The following C1QTNF7 variants were observed in gnomAD, a reference collection of about 807,000 sequenced individuals.
C1QTNF7 encodes C1q and TNF related 7.
Under a neutral mutation model 19.6 loss-of-function variants are expected in C1QTNF7, and 15 were observed. That is an observed-to-expected ratio of 0.76 (90% CI 0.51 to 1.18). The LOEUF is 1.18. C1QTNF7 is among the 50% of genes most tolerant of loss of function. The probability of loss-of-function intolerance (pLI) is 0.00; values close to 1 mark genes in which losing one functional copy is unlikely to be tolerated. For missense variants in C1QTNF7, 324 were observed against 359.7 expected (o/e 0.90, Z 0.80); for synonymous variants, 142 against 137.5 (o/e 1.03, Z -0.23).
At chr4:15,345,402 C>G (rs537607266) in intron 1 of C1QTNF7, among the ~76,000 whole-genome samples, 1 of 152,316 alleles carries the variant, frequency 6.6e-6, no homozygotes, top group East Asian at 1.9e-4. Context: ...TCTAGCCAGG[C>G]AGGGTGACGA....
intron 1 of C1QTNF7, among the ~76,000 whole-genome samples, chr4:15,410,871 C>T (rs1408642658): frequency 1.3e-5 from 2 of 152,190 alleles, no homozygotes; most frequent in Non-Finnish European, 2.9e-5. Context: ...AGAATTGCAA[C>T]AAGGTCAAAG....
At chr4:15,345,811 G>A (rs1241550279) in intron 1 of C1QTNF7, among the ~76,000 whole-genome samples, 1 of 152,164 alleles carries the variant, frequency 6.6e-6, no homozygotes, top group South Asian at 2.1e-4. Flanking sequence ...GTGTCTTTTT[G>A]TTAAGTGCCT....
intron 1 of C1QTNF7, among the ~76,000 whole-genome samples, chr4:15,343,203 C>A (rs1033251420): frequency 1.3e-5 from 2 of 152,352 alleles, no homozygotes; most frequent in South Asian, 4.1e-4. Flanking sequence ...TTTCCAAACT[C>A]ATTTGACCAT....
intron 1 of C1QTNF7, among the ~76,000 whole-genome samples, chr4:15,365,299 G>A (rs899771902): frequency 6.6e-6 from 1 of 151,700 alleles, no homozygotes; most frequent in Non-Finnish European, 1.5e-5. Flanking sequence ...TTAGAATCAA[G>A]AAGACCTGGA....
chr4:15,366,619 A>C (rs1437401111), intron 1 of C1QTNF7, among the ~76,000 whole-genome samples: 1 of 149,810 alleles, frequency 6.7e-6, no homozygotes, highest in Non-Finnish European at 1.5e-5. Context: ...TTTTCCTTCC[A>C]ATCTTTCTCC....
intron 1 of C1QTNF7, among the ~76,000 whole-genome samples, chr4:15,382,823 G>A (rs1718196666): frequency 6.6e-6 from 1 of 152,032 alleles, no homozygotes; most frequent in Non-Finnish European, 1.5e-5. Context: ...GATTCTTCCT[G>A]GATCCTACTT....
intron 1 of C1QTNF7, among the ~76,000 whole-genome samples, chr4:15,387,390 C>G (rs1315994561): frequency 6.6e-6 from 1 of 152,064 alleles, no homozygotes; most frequent in East Asian, 1.9e-4. Context: ...TGTGGCTAGA[C>G]AAGATCACCA....
intron 2 of C1QTNF7, among the ~76,000 whole-genome samples, chr4:15,441,882 G>A (rs1001578615): frequency 1.2e-4 from 19 of 152,080 alleles, no homozygotes; most frequent in Admixed American, 2.0e-4. Context: ...TTAGCTGGGC[G>A]TAGTGGCAGG....
chr4:15,414,335 G>A (rs781397314), intron 1 of C1QTNF7, among the ~76,000 whole-genome samples: 1 of 152,156 alleles, frequency 6.6e-6, no homozygotes, highest in Non-Finnish European at 1.5e-5. Context: ...CTTTTTTAAT[G>A]TAGAGGGTTT....
At position 15,444,614 on chromosome 4, in the gene C1QTNF7, CT is replaced by C. The variant is rs1178326784; in HGVS notation, c.*1816del. ...TGGCATGCACACACACAAAAAATACCTAAATTTTGGATGAGAAAATGATAAA... is the reference window on the plus strand; with the variant it reads ...TGGCATGCACACACACAAAAAATACCAAATTTTGGATGAGAAAATGATAAA... On this transcript the variant is annotated 3_prime_UTR_variant, in exon 3 of 3. Transcript: ENST00000444304. 6.6e-6 allele frequency: 1 copy of C among 152,134 alleles called. No homozygotes were observed. Among genetic ancestry groups the C allele is most frequent in the African/African-American group, 2.4e-5 (1 of 41,408 alleles). 9.4% of individuals were successfully genotyped at this position (152,134 alleles called of 1,614,324 possible).
chr4:15,361,420 T>G (rs1560341758), intron 1 of C1QTNF7: 1 of 152,162 alleles, frequency 6.6e-6, no homozygotes, highest in Non-Finnish European at 1.5e-5. Flanking sequence ...AGGTGATATT[T>G]TTCTAATTAT....
At chr4:15,405,111 C>A (rs1577261484) in intron 1 of C1QTNF7, among the ~76,000 whole-genome samples, 1 of 152,250 alleles carries the variant, frequency 6.6e-6, no homozygotes. Context: ...TTATTTCTTC[C>A]TATAACAGGA....
chr4:15,405,750 C>T (rs1202618609), intron 1 of C1QTNF7, among the ~76,000 whole-genome samples: 1 of 152,186 alleles, frequency 6.6e-6, no homozygotes, highest in Non-Finnish European at 1.5e-5. Context: ...TCCTTCAAGA[C>T]CTTCCTATTG....
intron 1 of C1QTNF7, among the ~76,000 whole-genome samples, chr4:15,419,005 TAGCTTC>T (rs1413429430): frequency 6.6e-6 from 1 of 152,248 alleles, no homozygotes; most frequent in Non-Finnish European, 1.5e-5. Context: ...CAGCAGAGGT[TAGCTTC>T]ACTAACCTTT....
rs989846719 is a variant in C1QTNF7 at position 15,442,935 on chromosome 4, A to G, written c.*136A>G. On this transcript the variant is annotated 3_prime_UTR_variant, in exon 3 of 3. Transcript: ENST00000444304. The stretch of plus-strand genomic sequence containing the variant: ...AAAGACAATTCTAGCAGAATTTATC[A>G]AAACAAGATGAAACACAGAAAAGTT... 5 of 925,414 alleles carry G rather than the reference A, an allele frequency of 5.4e-6. No individual in the cohort carries two copies. The African/African-American group carries it at 6.7e-5, about 12-fold the overall frequency. The allele number at this position is 925,414 out of a possible 1,614,324, so 57.3% of individuals were successfully genotyped here.
intron 1 of C1QTNF7, among the ~76,000 whole-genome samples, chr4:15,347,820 T>C (rs904774384): frequency 6.6e-6 from 1 of 152,188 alleles, no homozygotes; most frequent in Non-Finnish European, 1.5e-5. Flanking sequence ...TCAGCTTTGC[T>C]AGTAAGCCCA....
chr4:15,348,056 A>G (rs771758646), intron 1 of C1QTNF7, among the ~76,000 whole-genome samples: 10 of 152,198 alleles, frequency 6.6e-5, no homozygotes, highest in Non-Finnish European at 1.0e-4. Flanking sequence ...TAAATGAGAT[A>G]TATTTGCAAG....
chr4:15,429,170 T>C (rs1036520467), intron 1 of C1QTNF7, among the ~76,000 whole-genome samples: 1 of 152,212 alleles, frequency 6.6e-6, no homozygotes, highest in African/African-American at 2.4e-5. Context: ...GAAATAAGAA[T>C]ACTGGGCTCT....
intron 1 of C1QTNF7, among the ~76,000 whole-genome samples, chr4:15,357,499 A>C (rs971244746): frequency 7.2e-5 from 11 of 152,304 alleles, no homozygotes; most frequent in Middle Eastern, 3.4e-3. Context: ...CTTGTAGTAT[A>C]GTTTGAAGTC....
Sources: gnomAD v4.1 joint callset for allele counts (sites outside exome capture counted in the v4.1 genomes callset) on GRCh38, gnomAD v4.1.1 for gene constraint, MANE v1.5 for transcripts, NCBI Gene and HGNC (gene_info 2026-07-23, HGNC 2026-07-21) for gene names.